Variants in CAPN14 observed in about 807,000 individuals in gnomAD.
The protein encoded by CAPN14 is calpain 14.
A neutral mutation model predicts 101.3 loss-of-function variants in CAPN14; 94 were observed. The observed-to-expected ratio is 0.93, with a 90% CI of 0.79 to 1.10. The LOEUF is 1.10. Among genes scored for constraint, CAPN14 ranks in the 50% least tolerant of loss-of-function variants. The pLI is 0.00. For missense variants in CAPN14, 837 were observed against 828.4 expected (o/e 1.01, Z -0.13); for synonymous variants, 338 against 317.9 (o/e 1.06, Z -0.67).
At chr2:31,206,034 A>T (rs9752145) in intron 1 of CAPN14, among the ~76,000 whole-genome samples, 45,551 of 109,666 alleles carry the variant, frequency 0.42, 9,942 homozygotes, top group East Asian at 0.64. Context: ...TTTTTTATTT[A>T]TTTATTTTTT....
intron 2 of CAPN14, among the ~76,000 whole-genome samples, chr2:31,204,314 ATAT>A (rs1681958649): frequency 6.6e-6 from 1 of 152,168 alleles, no homozygotes; most frequent in Non-Finnish European, 1.5e-5. Flanking sequence ...TGTGAAATAT[ATAT>A]TTGGTCTTCA....
rs1158540977 is a variant in CAPN14 at position 31,197,247 on chromosome 2, A to G, written c.875+2T>C. ...CCCCTCCAAGATGTCCCCAAAGTTC[A>G]CCTGTCACTCCAGTCTCCTTTCCAT... On this transcript the variant is annotated splice_donor_variant, in intron 8 of 21. Transcript: ENST00000403897. LOFTEE classifies it high-confidence loss of function. The G allele has an allele frequency of 6.5e-7, 1 of 1,548,838 alleles. No individual in the cohort carries two copies. The highest frequency in any genetic ancestry group is 2.0e-5 in the Admixed American group (1 of 50,958).
chr2:31,231,818 G>A (rs991278815), intron 1 of CAPN14, among the ~76,000 whole-genome samples: 4 of 152,206 alleles, frequency 2.6e-5, no homozygotes, highest in Admixed American at 2.0e-4. Flanking sequence ...TTAACACCAG[G>A]CGTGGCACGG....
chr2:31,182,418 T>C (rs1449459156), intron 16 of CAPN14, among the ~76,000 whole-genome samples: 185 of 145,160 alleles, frequency 1.3e-3, no homozygotes, highest in African/African-American at 4.7e-3. Context: ...GATGACATGA[T>C]TGTATATCTA....
At chr2:31,198,781 T>A (rs982169196) in intron 7 of CAPN14, among the ~76,000 whole-genome samples, 5 of 152,188 alleles carry the variant, frequency 3.3e-5, no homozygotes, top group Non-Finnish European at 7.3e-5. Context: ...CTTATCTCCA[T>A]GCTTTGCTTA....
intron 1 of CAPN14, among the ~76,000 whole-genome samples, chr2:31,229,654 G>T (rs1309890112): frequency 7.1e-6 from 1 of 141,624 alleles, no homozygotes; most frequent in Non-Finnish European, 1.5e-5. Context: ...ACTCCAGCCT[G>T]GGTGACAGAG....
At chr2:31,201,262 T>C (rs1382354871) in intron 5 of CAPN14, among the ~76,000 whole-genome samples, 1 of 152,070 alleles carries the variant, frequency 6.6e-6, no homozygotes, top group East Asian at 1.9e-4. Flanking sequence ...TGCATGCGTG[T>C]GTGTGTGCAC....
At position 31,186,437 on chromosome 2, in the gene CAPN14, T is replaced by A; in HGVS notation, c.1636A>T (p.Thr546Ser). Residue 546 changes from threonine to serine, a missense_variant, in exon 16 of 22, where the codon ACC (threonine) becomes TCC (serine). Coordinates refer to ENST00000403897, the MANE Select transcript of CAPN14 (RefSeq NM_001145122.2). ...GCTCTAAAACACTTACTTGACCAGG[T>A]CATCTGGTTCAGGAGGTTCTGAAGT... ...VQLQNLLNQM[T>S]WSSLGSRQPF... 1 of 1,549,198 alleles carries A rather than the reference T, an allele frequency of 6.5e-7. No individual in the cohort carries two copies. Among genetic ancestry groups the A allele is most frequent in the Non-Finnish European group, 8.7e-7 (1 of 1,146,024 alleles).
intron 1 of CAPN14, among the ~76,000 whole-genome samples, chr2:31,232,029 A>T (rs1297920024): frequency 2.0e-5 from 3 of 152,208 alleles, no homozygotes; most frequent in African/African-American, 7.2e-5. Context: ...GGGAGTCGGG[A>T]GATCTGAGAT....
chr2:31,227,345 G>A (rs1226508611), intron 1 of CAPN14, among the ~76,000 whole-genome samples: 1 of 152,192 alleles, frequency 6.6e-6, no homozygotes, highest in African/African-American at 2.4e-5. Context: ...GGTACCGATG[G>A]TATGAATGGG....
At chr2:31,224,493 A>G (rs1052465565) in intron 2 of CAPN14, among the ~76,000 whole-genome samples, 3 of 152,328 alleles carry the variant, frequency 2.0e-5, no homozygotes, top group Admixed American at 2.0e-4. Flanking sequence ...GTACCAGGAT[A>G]TCATTGAAAT....
At chr2:31,181,388 T>C (rs4337516) in intron 16 of CAPN14, among the ~76,000 whole-genome samples, 21,578 of 106,292 alleles carry the variant, frequency 0.2, 2,407 homozygotes, top group African/African-American at 0.41. Flanking sequence ...TTTTCTTTTT[T>C]TCTTTCTTTT....
intron 3 of CAPN14, among the ~76,000 whole-genome samples, chr2:31,202,639 A>G (rs1036361281): frequency 6.6e-6 from 1 of 152,154 alleles, no homozygotes; most frequent in Admixed American, 6.5e-5. Context: ...TGAAATGGGT[A>G]TCACTGGACT....
At chr2:31,192,437 C>T (rs1024715747) in intron 10 of CAPN14, among the ~76,000 whole-genome samples, 12 of 152,160 alleles carry the variant, frequency 7.9e-5, no homozygotes, top group Admixed American at 6.5e-5. Context: ...ATCCTAGGGG[C>T]CTTTGCATTT....
chr2:31,217,171 A>G (rs965884143), intron 1 of CAPN14, among the ~76,000 whole-genome samples: 3 of 152,196 alleles, frequency 2.0e-5, no homozygotes, highest in African/African-American at 7.2e-5. Context: ...GAGGGACCTC[A>G]GAAATTACCC....
chr2:31,228,050 C>A (rs777685046), intron 1 of CAPN14, among the ~76,000 whole-genome samples: 2 of 152,160 alleles, frequency 1.3e-5, no homozygotes, highest in African/African-American at 4.8e-5. Flanking sequence ...TGCAAAGGAG[C>A]CCGCGTGGTG....
chr2:31,175,799 C>T (rs529855633), intron 21 of CAPN14, among the ~76,000 whole-genome samples: 6 of 152,252 alleles, frequency 3.9e-5, no homozygotes, highest in African/African-American at 1.4e-4. Context: ...TTCTAAGTGG[C>T]CATAGCAGAG....
At chr2:31,213,587 T>C (rs1682503164) in intron 1 of CAPN14, among the ~76,000 whole-genome samples, 1 of 152,266 alleles carries the variant, frequency 6.6e-6, no homozygotes, top group Admixed American at 6.5e-5. Context: ...AAGTAGGAAC[T>C]CACAGATTAA....
chr2:31,192,441 T>C (rs971506292), intron 10 of CAPN14, among the ~76,000 whole-genome samples: 10 of 152,198 alleles, frequency 6.6e-5, no homozygotes, highest in African/African-American at 2.4e-4. Flanking sequence ...TAGGGGCCTT[T>C]GCATTTTAAT....
Sources: allele counts gnomAD v4.1 joint callset (sites outside exome capture counted in the v4.1 genomes callset), GRCh38; gene constraint gnomAD v4.1.1; transcripts MANE v1.5; gene names NCBI Gene and HGNC (gene_info 2026-07-23, HGNC 2026-07-21).